Variants in MYL10 observed in about 807,000 individuals in gnomAD.
The protein encoded by MYL10 is myosin light chain 10.
A neutral mutation model predicts 21.9 loss-of-function variants in MYL10; 18 were observed. The ratio of observed to expected loss-of-function variants is 0.82; its 90% CI spans 0.57 to 1.22. The LOEUF is 1.22. Ranked by LOEUF, MYL10 falls within the 50% of genes most tolerant of loss-of-function variation. The probability of loss-of-function intolerance (pLI) is 0.00; values close to 1 mark genes in which losing one functional copy is unlikely to be tolerated. For synonymous variants in MYL10, 88 were observed against 82.8 expected (o/e 1.06, Z -0.34); for missense variants, 225 against 230.4 (o/e 0.98, Z 0.15).
At chr7:101,616,551 C>T (rs1200693723) in intron 5 of MYL10, among the ~76,000 whole-genome samples, 1 of 152,196 alleles carries the variant, frequency 6.6e-6, no homozygotes, top group Admixed American at 6.5e-5. Flanking sequence ...TTGTGAACAA[C>T]CTGAGCAACT....
chr7:101,623,149 C>G, intron 3 of MYL10, 77 bp from the exon 4 acceptor site: 3 of 1,382,582 alleles, frequency 2.2e-6, no homozygotes, highest in Non-Finnish European at 3.0e-6. Flanking sequence ...GTCCTCCTGC[C>G]GACTGCTGCC....
chr7:101,615,611 G>A (rs983433890), intron 6 of MYL10, among the ~76,000 whole-genome samples: 3 of 146,194 alleles, frequency 2.1e-5, no homozygotes, highest in African/African-American at 7.6e-5. Context: ...CCTAGCCTGG[G>A]CAACCTGCAG....
chr7:101,628,660 C>G (rs1293267529), intron 1 of MYL10, among the ~76,000 whole-genome samples: 1 of 152,188 alleles, frequency 6.6e-6, no homozygotes, highest in Non-Finnish European at 1.5e-5. Context: ...CCCAGCAGCC[C>G]CAGCTCGGCC....
At chr7:101,615,302 C>T (rs973689433) in intron 6 of MYL10, among the ~76,000 whole-genome samples, 9 of 152,092 alleles carry the variant, frequency 5.9e-5, no homozygotes, top group African/African-American at 2.2e-4. Context: ...CCGACTCCAT[C>T]TCGACGGCCA....
At chr7:101,616,115 A>C in intron 6 of MYL10, 105 bp downstream of exon 6, 1 of 893,548 alleles carries the variant, frequency 1.1e-6, no homozygotes, top group East Asian at 2.5e-5. Context: ...GCGGCCCCCC[A>C]GCTCCTGGCT....
At chr7:101,623,214 C>CAG in intron 3 of MYL10, 142 bp from the exon 4 acceptor site, 1 of 647,964 alleles carries the variant, frequency 1.5e-6, no homozygotes, top group Non-Finnish European at 2.7e-6. Flanking sequence ...GGCTCCATCC[C>CAG]CAACCCCTCA....
At chr7:101,620,854 T>C (rs1012740505) in intron 5 of MYL10, among the ~76,000 whole-genome samples, 2 of 147,014 alleles carry the variant, frequency 1.4e-5, no homozygotes, top group African/African-American at 5.0e-5. Flanking sequence ...AATGGCACCA[T>C]CTCGGCTCAC....
At chr7:101,624,880 C>T (rs1796726464) in intron 1 of MYL10, among the ~76,000 whole-genome samples, 1 of 152,100 alleles carries the variant, frequency 6.6e-6, no homozygotes, top group African/African-American at 2.4e-5. Flanking sequence ...CCTGCAGGCT[C>T]AGCTCCCTGT....
chr7:101,613,477 A>C lies in MYL10; in HGVS notation c.679T>G (p.Ter227GluextTer?). Reference sequence around the variant, plus strand: ...ATGTCGGGGAGACTTGTGATCCCCTAATCCTTCTCTTCACCGTGAGTGATG... The same window carrying C: ...ATGTCGGGGAGACTTGTGATCCCCTCATCCTTCTCTTCACCGTGAGTGATG... ...YVITHGEEKD[*>E] Residue 227 changes from the stop codon to glutamate (E), a stop_lost, in exon 8 of 8, where the codon TAG (stop) becomes GAG (glutamate). Transcript: ENST00000223167. The C allele has an allele frequency of 6.2e-7, 1 of 1,613,422 alleles. No homozygotes were observed. The highest frequency in any genetic ancestry group is 8.5e-7 in the Non-Finnish European group (1 of 1,179,376).
At position 101,622,201 on chromosome 7, in the gene MYL10, C is replaced by T. The variant is rs541850361; in HGVS notation, c.350-1G>A. On this transcript the variant is annotated splice_acceptor_variant, in intron 4 of 7. Transcript: ENST00000223167. LOFTEE classifies it high-confidence loss of function. ...TCCTCGTTCTTGACATTGATGCGGCCTGTGGGAGGTGAGAGGTGGGGGCAG... is the reference window on the plus strand; with the variant it reads ...TCCTCGTTCTTGACATTGATGCGGCTTGTGGGAGGTGAGAGGTGGGGGCAG... 6.2e-7 allele frequency: 1 copy of T among 1,611,210 alleles called. No homozygotes were observed. Among genetic ancestry groups the T allele is most frequent in the Non-Finnish European group, 8.5e-7 (1 of 1,178,224 alleles).
chr7:101,627,864 T>G (rs979785838), intron 1 of MYL10, among the ~76,000 whole-genome samples: 3 of 152,068 alleles, frequency 2.0e-5, no homozygotes, highest in Non-Finnish European at 4.4e-5. Context: ...TTGCCCAGGG[T>G]GGGGCCACCC....
chr7:101,626,972 A>G (rs980689050), intron 1 of MYL10, among the ~76,000 whole-genome samples: 1 of 152,094 alleles, frequency 6.6e-6, no homozygotes, highest in Admixed American at 6.5e-5. Flanking sequence ...TCACACACAG[A>G]GTCAAGGTCA....
Position 101,628,869 on chromosome 7 carries a change from G to T in MYL10, c.78+172C>A, listed in dbSNP as rs371408451. On this transcript the variant is annotated intron_variant, in intron 1 of 7. Transcript: ENST00000223167. Reference sequence around the variant, plus strand: ...GAAGGGAATATCATAATAATAATAAGAAGAGCAGCTAATATACAACACAGA... The same window carrying T: ...GAAGGGAATATCATAATAATAATAATAAGAGCAGCTAATATACAACACAGA... Among the ~76,000 whole-genome samples, 199 of 151,966 alleles carry T rather than the reference G, an allele frequency of 1.3e-3. 1 individual carries two copies. The highest frequency in any genetic ancestry group is 4.3e-3 in the African/African-American group (178 of 41,230).
Position 101,623,055 on chromosome 7 carries a change from G to A in MYL10, c.291C>T (p.Asp97=). The change falls in exon 4 of 8, where the codon GAC becomes GAT. Residue 97 remains aspartate (D), a synonymous_variant. Transcript: ENST00000223167. ...ASASQAFTIM[D]QNRDGFIDKE... is the part of the protein sequence containing the mutation. ...TGTCGATGAAGCCATCACGGTTCTGGTCCATGATGGTGAAAGCCTGGCAGA... is the reference window on the plus strand; with the variant it reads ...TGTCGATGAAGCCATCACGGTTCTGATCCATGATGGTGAAAGCCTGGCAGA... 6.2e-7 allele frequency: 1 copy of A among 1,613,930 alleles called. No homozygotes were observed. The highest frequency in any genetic ancestry group is 1.1e-5 in the South Asian group (1 of 91,076).
intron 6 of MYL10, among the ~76,000 whole-genome samples, chr7:101,615,378 C>T (rs1331189040): frequency 6.6e-6 from 1 of 151,726 alleles, no homozygotes; most frequent in Admixed American, 6.6e-5. Flanking sequence ...GTGTCCTTGC[C>T]TAACTCCTCC....
intron 3 of MYL10, 106 bp from the exon 4 acceptor site, chr7:101,623,178 G>T (rs1796701916): frequency 9.9e-7 from 1 of 1,009,338 alleles, no homozygotes; most frequent in Non-Finnish European, 1.5e-6. Context: ...CTCGGGGCAG[G>T]TCCCTCTGGC....
At chr7:101,613,637 G>GT in intron 7 of MYL10, 25 bp downstream of exon 7, 1 of 1,613,984 alleles carries the variant, frequency 6.2e-7, no homozygotes, top group East Asian at 2.2e-5. Context: ...AGAATCCGCC[G>GT]TGACCCACCA....
At chr7:101,623,180 C>T (rs1796701990) in intron 3 of MYL10, 108 bp from the exon 4 acceptor site, 2 of 969,010 alleles carry the variant, frequency 2.1e-6, no homozygotes, top group Non-Finnish European at 3.1e-6. Context: ...CGGGGCAGGT[C>T]CCTCTGGCAG....
chr7:101,626,028 T>A (rs1047468821), intron 1 of MYL10, among the ~76,000 whole-genome samples: 2 of 152,052 alleles, frequency 1.3e-5, no homozygotes, highest in Admixed American at 1.3e-4. Context: ...CCTAGGGTCT[T>A]TGCAGCCCAG....
Sources: allele counts gnomAD v4.1 joint callset (sites outside exome capture counted in the v4.1 genomes callset), GRCh38; gene constraint gnomAD v4.1.1; transcripts MANE v1.5; gene names NCBI Gene and HGNC (gene_info 2026-07-23, HGNC 2026-07-21).